GLRA2: variants seen among roughly 807,000 people sequenced by gnomAD.
GLRA2 encodes glycine receptor alpha 2, also known as glycine receptor subunit alpha-2.
In GLRA2, 11 loss-of-function variants were observed where a neutral mutation model predicts 31.6. The observed-to-expected ratio is 0.35, with a 90% confidence interval of 0.22 to 0.58. GLRA2 has a LOEUF of 0.58. Ranked by LOEUF, GLRA2 falls within the 20% of genes least tolerant of loss-of-function variation. The pLI is 0.84. For missense variants in GLRA2, 212 were observed against 351.8 expected, an observed-to-expected ratio of 0.60 and a Z score of 3.18; for synonymous variants, 132 against 134.0, an observed-to-expected ratio of 0.99 and a Z score of 0.10.
intron 7 of GLRA2, among the ~76,000 whole-genome samples, chrX:14,622,626 C>G (rs770553379): frequency 1.8e-5 from 2 of 111,821 alleles, no homozygotes; most frequent in Non-Finnish European, 3.8e-5. Flanking sequence ...TTCCCCATTT[C>G]TTGTTCTCGT....
chrX:14,551,404 G>A lies in GLRA2; in HGVS notation c.202+19032G>A, dbSNP rs3027330. 8.0e-3 allele frequency among the ~76,000 whole-genome samples: 895 copies of A among 111,366 alleles called. 42 individuals carry two copies. The East Asian group carries it at 0.17, about 21-fold the overall frequency. Reference sequence around the variant, plus strand: ...ATTTGATGAATAATCAAATGAATGAGCAAAGATGATTTCTCTCCAATCACC... The same window carrying A: ...ATTTGATGAATAATCAAATGAATGAACAAAGATGATTTCTCTCCAATCACC... On this transcript the variant is annotated intron_variant, in intron 2 of 8. Coordinates refer to ENST00000218075, the MANE Select transcript of GLRA2 (RefSeq NM_002063.4).
At chrX:14,571,942 C>G (rs1024039104) in intron 2 of GLRA2, among the ~76,000 whole-genome samples, 3 of 111,713 alleles carry the variant, frequency 2.7e-5, no homozygotes, top group African/African-American at 9.8e-5. Context: ...TGATGAGACA[C>G]TGACTCTCAG....
At chrX:14,461,623 G>C in the GLRA2 span, among the ~76,000 whole-genome samples, 1 of 111,174 alleles carries the variant, frequency 9.0e-6, no homozygotes, top group East Asian at 2.8e-4. Context: ...TGTCTCTTTT[G>C]ATCTTTGTTG....
chrX:14,620,826 G>C (rs2090507077), intron 7 of GLRA2, among the ~76,000 whole-genome samples: 1 of 111,435 alleles, frequency 9.0e-6, no homozygotes, highest in African/African-American at 3.3e-5. Context: ...TGTTGATGAA[G>C]ATTAATCCAC....
the GLRA2 span, among the ~76,000 whole-genome samples, chrX:14,456,452 C>T: frequency 9.0e-6 from 1 of 111,438 alleles, no homozygotes; most frequent in Non-Finnish European, 1.9e-5. Context: ...AACACTAGAA[C>T]CCAGTCCTCC....
the GLRA2 span, among the ~76,000 whole-genome samples, chrX:14,455,839 T>C: frequency 8.9e-6 from 1 of 112,094 alleles, no homozygotes; most frequent in African/African-American, 3.2e-5. Context: ...ATCCTTGAAT[T>C]CTTTGTGTAC....
the GLRA2 span, among the ~76,000 whole-genome samples, chrX:14,510,059 C>T: frequency 1.8e-5 from 2 of 111,107 alleles, no homozygotes. Flanking sequence ...ACAAGATGGA[C>T]CCAATAGGGT....
At chrX:14,493,724 CGTGT>C in the GLRA2 span, among the ~76,000 whole-genome samples, 2 of 93,011 alleles carry the variant, frequency 2.2e-5, no homozygotes, top group African/African-American at 9.0e-5. Flanking sequence ...TACATATATA[CGTGT>C]ATATGTATAC....
At chrX:14,556,822 C>T (rs903233605) in intron 2 of GLRA2, among the ~76,000 whole-genome samples, 17 of 111,897 alleles carry the variant, frequency 1.5e-4, no homozygotes, top group Non-Finnish European at 2.6e-4. Context: ...AAGAGCTATT[C>T]AGCAAATTGT....
chrX:14,517,592 C>G, the GLRA2 span, among the ~76,000 whole-genome samples: 1 of 111,772 alleles, frequency 8.9e-6, no homozygotes, highest in Non-Finnish European at 1.9e-5. Flanking sequence ...GTAATAACCA[C>G]CTTCGTGATT....
the GLRA2 span, among the ~76,000 whole-genome samples, chrX:14,516,626 A>G: frequency 9.0e-6 from 1 of 111,586 alleles, no homozygotes; most frequent in African/African-American, 3.3e-5. Context: ...GCCATACATA[A>G]CTAGTAAAAT....
At chrX:14,462,127 G>T in the GLRA2 span, among the ~76,000 whole-genome samples, 1 of 111,880 alleles carries the variant, frequency 8.9e-6, no homozygotes, top group South Asian at 3.7e-4. Flanking sequence ...GGCTGGATAT[G>T]AAATTCTGGG....
At position 14,604,360 on chromosome X, in the gene GLRA2, G is replaced by A. The variant is rs753878903; in HGVS notation, c.540G>A (p.Pro180=). Reference sequence around the variant, plus strand: ...GTCCCATGGACTTGAAGAACTTTCCGATGGATGTCCAGACCTGTACAATGC... The same window carrying A: ...GTCCCATGGACTTGAAGAACTTTCCAATGGATGTCCAGACCTGTACAATGC... ...LSCPMDLKNF[P]MDVQTCTMQL... The change falls in exon 5 of 9, where the codon CCG becomes CCA. Residue 180 remains proline (P), a synonymous_variant. Transcript: ENST00000218075. 25 of 1,173,264 alleles carry A rather than the reference G, an allele frequency of 2.1e-5. No individual in the cohort carries two copies. The highest frequency in any genetic ancestry group is 6.0e-5 in the East Asian group (2 of 33,263).
chrX:14,614,629 G>A (rs1402767392), intron 7 of GLRA2, among the ~76,000 whole-genome samples: 3 of 111,917 alleles, frequency 2.7e-5, no homozygotes, highest in Non-Finnish European at 5.6e-5. Flanking sequence ...ACTATCATGG[G>A]TATTCCAGCT....
chrX:14,646,281 G>A (rs1344937266), intron 7 of GLRA2, among the ~76,000 whole-genome samples: 1 of 112,043 alleles, frequency 8.9e-6, no homozygotes, highest in African/African-American at 3.2e-5. Context: ...GAAGCCATGT[G>A]CATTATGGCT....
intron 7 of GLRA2, among the ~76,000 whole-genome samples, chrX:14,679,100 ACACCACCAC>A (rs748032911): frequency 9.1e-6 from 1 of 109,822 alleles, no homozygotes; most frequent in African/African-American, 3.3e-5. Context: ...CTCAACATAC[ACACCACCAC>A]CACCACCACC....
intron 7 of GLRA2, among the ~76,000 whole-genome samples, chrX:14,627,731 T>C (rs2090603626): frequency 8.9e-6 from 1 of 111,916 alleles, no homozygotes; most frequent in South Asian, 3.7e-4. Flanking sequence ...AAGAGCTTTC[T>C]GTCATTGGAG....
At chrX:14,669,350 T>C (rs1254314594) in intron 7 of GLRA2, among the ~76,000 whole-genome samples, 1 of 111,632 alleles carries the variant, frequency 9.0e-6, no homozygotes, top group Non-Finnish European at 1.9e-5. Flanking sequence ...GGAGCTATCA[T>C]TCTGGGGTCG....
At position 14,730,786 on chromosome X, in the gene GLRA2, T is replaced by A. The variant is rs1216816772; in HGVS notation, c.*301T>A. ...GCAACATTCAGACATGATATGCGCA[T>A]CATTCAGACATGATATGCGGGGTCA... On this transcript the variant is annotated 3_prime_UTR_variant, in exon 9 of 9. Transcript: ENST00000218075. 1 of 256,185 alleles carries A rather than the reference T, an allele frequency of 3.9e-6. No individual in the cohort carries two copies. Among genetic ancestry groups the A allele is most frequent in the Non-Finnish European group, 7.0e-6 (1 of 142,111 alleles). The allele number at this position is 256,185 out of a possible 1,213,427, so 21.1% of individuals were successfully genotyped here. A position where few individuals can be genotyped will look rare whatever the true frequency, so the allele number is the denominator to read the frequency against.
Sources: gnomAD v4.1 joint callset for allele counts (sites outside exome capture counted in the v4.1 genomes callset) on GRCh38, gnomAD v4.1.1 for gene constraint, MANE v1.5 for transcripts, NCBI Gene and HGNC (gene_info 2026-07-23, HGNC 2026-07-21) for gene names.